The following GALM variants were observed in gnomAD, a reference collection of about 807,000 sequenced individuals.
The protein encoded by GALM is aldose 1-epimerase.
In GALM, 43 loss-of-function variants were observed where a neutral mutation model predicts 37.4. The ratio of observed to expected loss-of-function variants is 1.15; its 90% confidence interval spans 0.90 to 1.48. The LOEUF (loss-of-function observed/expected upper bound fraction) is 1.48. Among genes scored for constraint, GALM ranks in the 40% most tolerant of loss-of-function variants. GALM has a pLI of 0.00. For missense variants in GALM, 456 were observed against 419.1 expected (o/e 1.09, Z -0.77); for synonymous variants, 199 against 170.6 (o/e 1.17, Z -1.30).
intron 5 of GALM, among the ~76,000 whole-genome samples, chr2:38,730,129 T>A (rs1212288690): frequency 6.6e-6 from 1 of 152,252 alleles, no homozygotes; most frequent in Non-Finnish European, 1.5e-5. Flanking sequence ...TAGACACTTG[T>A]GTGCACGCTC....
At position 38,666,647 on chromosome 2, in the gene GALM, T is replaced by G. The variant is rs542213425; in HGVS notation, c.190+296T>G. On this transcript the variant is annotated intron_variant, in intron 1 of 6. Coordinates refer to ENST00000272252, the MANE Select transcript of GALM (RefSeq NM_138801.3). ...CACTTCAGCGATCCTGGAGCGATCTTTGAACTGCCTAATCTTTGAACTGCC... is the reference window on the plus strand; with the variant it reads ...CACTTCAGCGATCCTGGAGCGATCTGTGAACTGCCTAATCTTTGAACTGCC... Among the ~76,000 whole-genome samples the G allele has an allele frequency of 9.2e-5, 14 of 152,306 alleles. No individual in the cohort carries two copies. In the South Asian group the frequency reaches 2.5e-3, roughly 27 times the overall value.
intron 4 of GALM, among the ~76,000 whole-genome samples, chr2:38,727,133 T>C (rs575618209): frequency 2.7e-4 from 41 of 151,266 alleles, no homozygotes; most frequent in Non-Finnish European, 4.6e-4. Flanking sequence ...GGAGAATCAC[T>C]TGAACCCAGG....
At chr2:38,685,368 C>T (rs1342191862) in intron 3 of GALM, among the ~76,000 whole-genome samples, 1 of 152,178 alleles carries the variant, frequency 6.6e-6, no homozygotes, top group Non-Finnish European at 1.5e-5. Flanking sequence ...GTTGCCATGG[C>T]TTGTGGGTAG....
rs373631271 is a variant in GALM, at chr2:38,733,764, G to A, written c.*199G>A. On this transcript the variant is annotated 3_prime_UTR_variant, in exon 7 of 7. Transcript: ENST00000272252. ...CCAGGCCATGTCTAATGACCAGCTCGATTCCCTGTGCAGTTCAGAGGGCAA... is the reference window on the plus strand; with the variant it reads ...CCAGGCCATGTCTAATGACCAGCTCAATTCCCTGTGCAGTTCAGAGGGCAA... The A allele has an allele frequency of 1.7e-5, 10 of 574,142 alleles. No homozygotes were observed. Among genetic ancestry groups the A allele is most frequent in the East Asian group, 6.6e-5 (2 of 30,160 alleles). The allele number at this position is 574,142 out of a possible 1,614,324, so 35.6% of individuals were successfully genotyped here.
intron 4 of GALM, among the ~76,000 whole-genome samples, chr2:38,712,348 C>G (rs1258938079): frequency 3.9e-5 from 6 of 152,192 alleles, no homozygotes; most frequent in Admixed American, 6.5e-5. Flanking sequence ...AGCCTGTAGT[C>G]TTGTAACCCA....
intron 1 of GALM, among the ~76,000 whole-genome samples, chr2:38,672,577 A>C (rs1665136929): frequency 6.6e-6 from 1 of 152,156 alleles, no homozygotes; most frequent in African/African-American, 2.4e-5. Flanking sequence ...CATGAGCTAG[A>C]CTGTCTGGAT....
chr2:38,693,307 ACCC>A (rs1209438030), intron 4 of GALM, among the ~76,000 whole-genome samples: 10 of 152,054 alleles, frequency 6.6e-5, no homozygotes, highest in African/African-American at 2.2e-4. Context: ...ACATGGTGAA[ACCC>A]TGTCTCTACT....
rs771246616 is a variant in GALM, at chr2:38,729,679, A to G, written c.758A>G (p.Glu253Gly). ...DHNFCLKGSKEKHFCARVHHA... is the reference protein window; with the variant it reads ...DHNFCLKGSKGKHFCARVHHA... ...AATTTCTGTCTGAAGGGATCTAAAG[A>G]AAAGCATTTTTGTGCAAGGTCAGGT... is the stretch of plus-strand genomic sequence containing the variant. Residue 253 changes from glutamate to glycine, a missense_variant, in exon 5 of 7, where the codon GAA (glutamate) becomes GGA (glycine). Transcript: ENST00000272252. 2 of 1,613,076 alleles carry G rather than the reference A, an allele frequency of 1.2e-6. No individual in the cohort carries two copies. Among genetic ancestry groups the G allele is most frequent in the South Asian group, 1.1e-5 (1 of 91,016 alleles).
intron 3 of GALM, among the ~76,000 whole-genome samples, chr2:38,689,314 C>CG (rs1665615595): frequency 1.3e-5 from 2 of 152,264 alleles, no homozygotes; most frequent in Admixed American, 6.5e-5. Context: ...GCAGGGACTG[C>CG]GGTTCTGACA....
intron 2 of GALM, among the ~76,000 whole-genome samples, chr2:38,676,771 A>T (rs1243728261): frequency 6.6e-6 from 1 of 152,164 alleles, no homozygotes; most frequent in Non-Finnish European, 1.5e-5. Context: ...TCAAAAAAAT[A>T]AAAAATAAAT....
chr2:38,670,132 G>A (rs887967605), intron 1 of GALM, among the ~76,000 whole-genome samples: 2 of 151,882 alleles, frequency 1.3e-5, no homozygotes, highest in Non-Finnish European at 2.9e-5. Flanking sequence ...CTAAAGTGCT[G>A]GGATTACAGG....
chr2:38,726,852 C>T (rs983145041), intron 4 of GALM, among the ~76,000 whole-genome samples: 2 of 151,340 alleles, frequency 1.3e-5, no homozygotes, highest in Non-Finnish European at 2.9e-5. Flanking sequence ...GCCGAGATCA[C>T]GCCACTGCAC....
chr2:38,729,195 A>G (rs898706835), intron 4 of GALM, among the ~76,000 whole-genome samples: 1 of 148,460 alleles, frequency 6.7e-6, no homozygotes, highest in Non-Finnish European at 1.5e-5. Context: ...CACCCTCTCC[A>G]TATTTGTTTT....
At chr2:38,669,841 C>T (rs952239077) in intron 1 of GALM, among the ~76,000 whole-genome samples, 13 of 151,562 alleles carry the variant, frequency 8.6e-5, no homozygotes, top group Non-Finnish European at 1.9e-4. Flanking sequence ...CTACTGCACT[C>T]CAGCCTGGTG....
At chr2:38,687,083 G>T (rs1427653197) in intron 3 of GALM, among the ~76,000 whole-genome samples, 5 of 152,168 alleles carry the variant, frequency 3.3e-5, no homozygotes, top group Non-Finnish European at 5.9e-5. Context: ...GTGTTGAGCT[G>T]AGTAGTGAAC....
In GALM at chr2:38,732,042, CAG is replaced by C. The variant is rs1390306325; in HGVS notation, c.951+136_951+137del. ...TGTTTGTTTGGTTTGTTTTTTGAGACAGAGTCTCACTCTTGTCGCCTAGGCTG... is the reference window on the plus strand; with the variant it reads ...TGTTTGTTTGGTTTGTTTTTTGAGACAGTCTCACTCTTGTCGCCTAGGCTG... On this transcript the variant is annotated intron_variant, in intron 6 of 6. Transcript: ENST00000272252. The C allele has an allele frequency of 2.2e-5, 18 of 805,182 alleles. No homozygotes were observed. The East Asian group carries it at 4.9e-4, about 22-fold the overall frequency. The allele number at this position is 805,182 out of a possible 1,614,324, so 49.9% of individuals were successfully genotyped here.
intron 4 of GALM, among the ~76,000 whole-genome samples, chr2:38,725,751 A>G (rs1553385174): frequency 6.6e-6 from 1 of 151,176 alleles, no homozygotes; most frequent in Non-Finnish European, 1.5e-5. Context: ...ACAGAGTCTC[A>G]CTCTGTCTGG....
intron 4 of GALM, among the ~76,000 whole-genome samples, chr2:38,698,111 T>C (rs1047723716): frequency 3.3e-5 from 5 of 152,194 alleles, no homozygotes; most frequent in Middle Eastern, 3.4e-3. Context: ...GGCCAGCTAA[T>C]TTTTGTATTT....
At chr2:38,698,317 T>G in intron 4 of GALM, 3 of 1,028,888 alleles carry the variant, frequency 2.9e-6, no homozygotes, top group Non-Finnish European at 4.1e-6. Flanking sequence ...AGTGGTGTAT[T>G]GAGTGCATAG....
Sources: allele counts gnomAD v4.1 joint callset (sites outside exome capture counted in the v4.1 genomes callset), GRCh38; gene constraint gnomAD v4.1.1; transcripts MANE v1.5; gene names NCBI Gene and HGNC (gene_info 2026-07-23, HGNC 2026-07-21).